The following ART1 variants were observed in gnomAD, a reference collection of about 807,000 sequenced individuals.
ART1 encodes ADP-ribosyltransferase 1.
ART1 carries 29 observed loss-of-function variants against 27.0 expected under a neutral mutation model. The observed-to-expected ratio is 1.08, with a 90% CI of 0.80 to 1.47. The LOEUF is 1.47. Among genes scored for constraint, ART1 ranks in the 40% most tolerant of loss-of-function variants. The pLI is 0.00. For synonymous variants in ART1, 201 were observed against 172.2 expected (o/e 1.17, Z -1.31); for missense variants, 480 against 423.0 (o/e 1.13, Z -1.18).
At chr11:3,652,593 G>C (rs1431139163) in intron 1 of ART1, among the ~76,000 whole-genome samples, 1 of 152,146 alleles carries the variant, frequency 6.6e-6, no homozygotes, top group Non-Finnish European at 1.5e-5. Context: ...CTCCTGTATA[G>C]ACGCTCCTTT....
intron 1 of ART1, among the ~76,000 whole-genome samples, chr11:3,655,821 C>T (rs1223062575): frequency 2.6e-5 from 4 of 152,016 alleles, no homozygotes; most frequent in Admixed American, 2.0e-4. Flanking sequence ...ATGAGAAAAG[C>T]CCCACCTGAG....
chr11:3,647,669 TAAAATG>T (rs2077480358), intron 1 of ART1, among the ~76,000 whole-genome samples: 1 of 151,628 alleles, frequency 6.6e-6, no homozygotes, highest in African/African-American at 2.4e-5. Flanking sequence ...AAAATAAAAA[TAAAATG>T]AAAACAAAGG....
At chr11:3,648,738 G>C (rs1407078631) in intron 1 of ART1, among the ~76,000 whole-genome samples, 1 of 152,186 alleles carries the variant, frequency 6.6e-6, no homozygotes, top group Non-Finnish European at 1.5e-5. Context: ...AGGGACGCCT[G>C]CCTTGGTCCT....
intron 1 of ART1, among the ~76,000 whole-genome samples, chr11:3,654,967 A>G (rs1246455183): frequency 6.6e-6 from 1 of 152,258 alleles, no homozygotes; most frequent in Non-Finnish European, 1.5e-5. Flanking sequence ...CAGCTGGCCC[A>G]GTGGGCTTTT....
At chr11:3,651,484 A>G (rs60430202) in intron 1 of ART1, among the ~76,000 whole-genome samples, 1,402 of 123,262 alleles carry the variant, frequency 0.011, 11 homozygotes, top group South Asian at 0.019. Flanking sequence ...TGGTTAGTGC[A>G]GTCAGAATTC....
intron 1 of ART1, among the ~76,000 whole-genome samples, chr11:3,655,949 T>TTTTG (rs1476818649): frequency 1.4e-5 from 2 of 145,572 alleles, no homozygotes; most frequent in Non-Finnish European, 1.5e-5. Context: ...TTTTTTTTTT[T>TTTTG]GAGACAGAGT....
intron 1 of ART1, among the ~76,000 whole-genome samples, chr11:3,646,058 G>GT (rs201763823): frequency 2.0e-5 from 3 of 150,304 alleles, no homozygotes; most frequent in African/African-American, 7.4e-5. Context: ...TTGTTTGTTT[G>GT]TTTTGTTTTT....
At chr11:3,653,555 A>C (rs1033188293) in intron 1 of ART1, among the ~76,000 whole-genome samples, 1 of 152,094 alleles carries the variant, frequency 6.6e-6, no homozygotes, top group African/African-American at 2.4e-5. Context: ...TTTCGGACTC[A>C]GTCCACCTGC....
Position 3,653,465 on chromosome 11 carries a change from C to A in ART1, c.-52-5697C>A, listed in dbSNP as rs570504087. 3.5e-4 allele frequency among the ~76,000 whole-genome samples: 53 copies of A among 149,630 alleles called. 3 individuals carry two copies. The South Asian group carries it at 8.7e-3, about 25-fold the overall frequency. ...CCCACTCTGACTGCCAGAGAACAAC[C>A]CCCCTTTGACTGTAATTTTCCTTTA... On this transcript the variant is annotated intron_variant, in intron 1 of 4. Coordinates refer to ENST00000250693, the MANE Select transcript of ART1 (RefSeq NM_004314.3).
chr11:3,648,594 AG>A (rs2077488716), intron 1 of ART1, among the ~76,000 whole-genome samples: 2 of 152,184 alleles, frequency 1.3e-5, no homozygotes, highest in Admixed American at 1.3e-4. Flanking sequence ...GAGACAAAGG[AG>A]ACACGTTTTA....
intron 4 of ART1, among the ~76,000 whole-genome samples, chr11:3,662,186 T>C (rs973764456): frequency 1.3e-5 from 2 of 152,256 alleles, no homozygotes; most frequent in Non-Finnish European, 2.9e-5. Context: ...GTCCAGGCTC[T>C]GCTCTAACTT....
intron 1 of ART1, among the ~76,000 whole-genome samples, chr11:3,649,436 C>G (rs59493701): frequency 0.16 from 24,593 of 152,102 alleles, 2,028 homozygotes; most frequent in South Asian, 0.21. Context: ...ATCAGTCCCT[C>G]CCTAGTCTCT....
chr11:3,663,848 G>A (rs1225460125), intron 4 of ART1: 1 of 464,730 alleles, frequency 2.2e-6, no homozygotes, highest in Non-Finnish European at 3.9e-6. Flanking sequence ...TGGGGGGACT[G>A]TACATCAACT....
chr11:3,654,871 C>T (rs35742970), intron 1 of ART1, among the ~76,000 whole-genome samples: 18,266 of 152,154 alleles, frequency 0.12, 1,171 homozygotes, highest in South Asian at 0.19. Context: ...CTTCAAGCCT[C>T]TCCTCCCCTC....
intron 1 of ART1, among the ~76,000 whole-genome samples, chr11:3,657,826 T>G (rs760229776): frequency 6.6e-6 from 1 of 152,150 alleles, no homozygotes; most frequent in Non-Finnish European, 1.5e-5. Context: ...CACTGTAGTA[T>G]TATGTATAAT....
At chr11:3,653,667 A>G (rs1044329383) in intron 1 of ART1, among the ~76,000 whole-genome samples, 1 of 151,862 alleles carries the variant, frequency 6.6e-6, no homozygotes, top group Non-Finnish European at 1.5e-5. Flanking sequence ...TTTTAAATCT[A>G]CTCCGCTTCT....
Position 3,660,336 on chromosome 11 carries a change from A to G in ART1, c.817A>G (p.Ser273Gly). Reference sequence around the variant, plus strand: ...CTACCTCCGAGCCCTGGGCAAGCACAGCACCTACAACTGCGAGTACATCAA... The same window carrying G: ...CTACCTCCGAGCCCTGGGCAAGCACGGCACCTACAACTGCGAGTACATCAA... ...RIYLRALGKHSTYNCEYIKDK... is the reference protein window; with the variant it reads ...RIYLRALGKHGTYNCEYIKDK... The change falls in exon 3 of 5, where the codon AGC (serine) becomes GGC (glycine). Residue 273 changes from serine to glycine, a missense_variant. Ser to Gly is a moderately conservative substitution (Grantham distance 56). Transcript: ENST00000250693. 2 of 1,604,480 alleles carry G rather than the reference A, an allele frequency of 1.2e-6. No homozygotes were observed. The highest frequency in any genetic ancestry group is 1.7e-6 in the Non-Finnish European group (2 of 1,179,794).
chr11:3,647,938 A>G (rs2077483267), intron 1 of ART1, among the ~76,000 whole-genome samples: 1 of 152,194 alleles, frequency 6.6e-6, no homozygotes, highest in East Asian at 1.9e-4. Context: ...GAAGATGGGC[A>G]ATAAAAGAGG....
chr11:3,664,060 T>TCC (rs746967675), intron 4 of ART1, 32 bp from the exon 5 acceptor site: 32 of 1,606,002 alleles, frequency 2.0e-5, no homozygotes, highest in Non-Finnish European at 2.6e-5. Context: ...TCTCTCTCTC[T>TCC]CCCCCAACCT....
Sources: gnomAD v4.1 joint callset for allele counts (sites outside exome capture counted in the v4.1 genomes callset) on GRCh38, gnomAD v4.1.1 for gene constraint, MANE v1.5 for transcripts, NCBI Gene and HGNC (gene_info 2026-07-23, HGNC 2026-07-21) for gene names.